Variants in TRIM33 observed in about 807,000 individuals in gnomAD.
TRIM33 encodes the protein E3 ubiquitin-protein ligase TRIM33.
A neutral mutation model predicts 125.4 loss-of-function variants in TRIM33; 20 were observed. The ratio of observed to expected loss-of-function variants is 0.16; its 90% CI spans 0.11 to 0.23. The LOEUF (loss-of-function observed/expected upper bound fraction) is 0.23, where lower values mean the gene tolerates loss of function less well. Among genes scored for constraint, TRIM33 ranks in the 10% least tolerant of loss-of-function variants. TRIM33 has a pLI of 1.00. For synonymous variants in TRIM33, 564 were observed against 513.9 expected (o/e 1.10, Z -1.32); for missense variants, 920 against 1,411.4 (o/e 0.65, Z 5.58).
chr1:114,401,284 A>G (rs375084736), intron 17 of TRIM33, 105 bp downstream of exon 17: 3 of 722,818 alleles, frequency 4.2e-6, no homozygotes, highest in African/African-American at 3.7e-5. Context: ...TCGGCCTCCC[A>G]AAGTGCTGGG....
At chr1:114,501,773 A>G (rs979896763) in intron 1 of TRIM33, among the ~76,000 whole-genome samples, 3 of 151,682 alleles carry the variant, frequency 2.0e-5, no homozygotes, top group African/African-American at 4.8e-5. Flanking sequence ...TCTAAAGAAA[A>G]ACATAAAACA....
intron 6 of TRIM33, among the ~76,000 whole-genome samples, chr1:114,430,051 G>C (rs1393231501): frequency 6.6e-6 from 1 of 151,684 alleles, no homozygotes; most frequent in Non-Finnish European, 1.5e-5. Flanking sequence ...ATTTCAAAAA[G>C]AGCAGCATTT....
rs755280201 is a variant in TRIM33, at chr1:114,397,822, T to C, written c.3210A>G (p.Ala1070=). The C allele has an allele frequency of 6.8e-6, 11 of 1,613,796 alleles. No homozygotes were observed. The highest frequency in any genetic ancestry group is 6.7e-5 in the East Asian group (3 of 44,852). The stretch of plus-strand genomic sequence containing the variant: ...CTGTGAGTTTATCTTCAAAGTACAA[T>C]GCAACTGCTTTCCCTGCCTGAGCTA... ...SEVAQAGKAV[A]LYFEDKLTEI... The change falls in exon 20 of 20, where the codon GCA becomes GCG. Residue 1070 remains alanine, a synonymous_variant. Transcript: ENST00000358465.
chr1:114,416,896 C>CT (rs1224734462), intron 11 of TRIM33, among the ~76,000 whole-genome samples: 4 of 152,138 alleles, frequency 2.6e-5, no homozygotes, highest in Non-Finnish European at 5.9e-5. Flanking sequence ...AACAGCAATG[C>CT]AACAACAGCC....
In TRIM33 at chr1:114,401,477, G is replaced by A. The variant is rs1241495947; in HGVS notation, c.2893-14C>T. 3 of 1,603,108 alleles carry A rather than the reference G, an allele frequency of 1.9e-6. No homozygotes were observed. Among genetic ancestry groups the A allele is most frequent in the African/African-American group, 2.7e-5 (2 of 74,374 alleles). Reference sequence around the variant, plus strand: ...ACGTTCACATTTCTGGCCCAAACAAGGAAAGGAAAGCACATGAAATATTTT... The same window carrying A: ...ACGTTCACATTTCTGGCCCAAACAAAGAAAGGAAAGCACATGAAATATTTT... On this transcript the variant is annotated splice_polypyrimidine_tract_variant and intron_variant, in intron 16 of 19. Transcript: ENST00000358465.
intron 8 of TRIM33, 124 bp downstream of exon 8, chr1:114,427,053 T>C: frequency 3.8e-6 from 2 of 520,472 alleles, no homozygotes; most frequent in South Asian, 6.7e-5. Flanking sequence ...TAACAACATA[T>C]TTTTACATAA....
chr1:114,414,987 C>CTTTTTTTTTTTTT (rs1232374980), intron 11 of TRIM33, among the ~76,000 whole-genome samples: 1 of 108,208 alleles, frequency 9.2e-6, no homozygotes, highest in Non-Finnish European at 1.9e-5. Flanking sequence ...GAGGTAGATT[C>CTTTTTTTTTTTTT]TATTTTTTTT....
chr1:114,465,763 C>T lies in TRIM33; in HGVS notation c.527-1375G>A, dbSNP rs550380094. 5.7e-4 allele frequency among the ~76,000 whole-genome samples: 86 copies of T among 151,978 alleles called. 1 individual carries two copies. The highest frequency in any genetic ancestry group is 2.0e-3 in the African/African-American group (81 of 41,466). ...TGGTATAAAAATAAATAAAAAGAGC[C>T]GGGCGCGGTGGCTCACGCCTGTAAT... On this transcript the variant is annotated intron_variant, in intron 1 of 19. Transcript: ENST00000358465.
At chr1:114,441,333 A>T (rs1289186264) in intron 4 of TRIM33, among the ~76,000 whole-genome samples, 10 of 152,238 alleles carry the variant, frequency 6.6e-5, no homozygotes. Flanking sequence ...TATTTATATG[A>T]ACTAAATTTG....
chr1:114,447,165 A>C (rs1649030433), intron 4 of TRIM33, among the ~76,000 whole-genome samples: 1 of 152,222 alleles, frequency 6.6e-6, no homozygotes, highest in South Asian at 2.1e-4. Context: ...AGTTGTATTA[A>C]GAATAAATGG....
chr1:114,466,613 A>G (rs1250233591), intron 1 of TRIM33, among the ~76,000 whole-genome samples: 1 of 152,194 alleles, frequency 6.6e-6, no homozygotes, highest in East Asian at 1.9e-4. Context: ...CTGATCTCCA[A>G]AACTTAGACA....
chr1:114,479,325 C>T (rs1166399468), intron 1 of TRIM33, among the ~76,000 whole-genome samples: 1 of 152,088 alleles, frequency 6.6e-6, no homozygotes, highest in Non-Finnish European at 1.5e-5. Flanking sequence ...GAGAGAACCA[C>T]AAACAAAATA....
chr1:114,425,412 A>G (rs765836357), intron 9 of TRIM33, 37 bp downstream of exon 9: 25 of 1,603,278 alleles, frequency 1.6e-5, no homozygotes, highest in South Asian at 1.5e-4. Context: ...TGAGGGCTTC[A>G]TAATTTCTAT....
At chr1:114,510,191 G>A (rs566567396) in intron 1 of TRIM33, among the ~76,000 whole-genome samples, 2 of 152,078 alleles carry the variant, frequency 1.3e-5, no homozygotes, top group South Asian at 4.2e-4. Context: ...CGCTGGCCCG[G>A]GCCCTTTCAG....
Position 114,445,391 on chromosome 1 carries a change from C to T in TRIM33, c.924-11658G>A, listed in dbSNP as rs367594496. 1.1e-4 allele frequency among the ~76,000 whole-genome samples: 17 copies of T among 152,248 alleles called. No homozygotes were observed. In the East Asian group the frequency reaches 3.1e-3, roughly 28 times the overall value. On this transcript the variant is annotated intron_variant, in intron 4 of 19. Transcript: ENST00000358465. ...TAGCTGGGACTACAAGCAAGCACTG[C>T]CATGCCTGGCTAATTTTAAAAAATT...
chr1:114,406,341 A>T (rs1271454509), intron 14 of TRIM33, among the ~76,000 whole-genome samples: 3 of 152,196 alleles, frequency 2.0e-5, no homozygotes, highest in Non-Finnish European at 4.4e-5. Context: ...CTTGAGATGA[A>T]TTCCCATGTG....
At chr1:114,444,258 A>G (rs1041840878) in intron 4 of TRIM33, among the ~76,000 whole-genome samples, 4 of 152,190 alleles carry the variant, frequency 2.6e-5, no homozygotes, top group African/African-American at 9.7e-5. Context: ...AAGATATTGA[A>G]TATGTGTGAA....
chr1:114,496,718 T>G (rs560755685), intron 1 of TRIM33, among the ~76,000 whole-genome samples: 2 of 152,322 alleles, frequency 1.3e-5, no homozygotes, highest in East Asian at 3.9e-4. Context: ...TTTAATTAAC[T>G]CACCACAGGT....
At chr1:114,414,027 G>GCACGCACA (rs1553207070) in intron 11 of TRIM33, among the ~76,000 whole-genome samples, 2 of 130,588 alleles carry the variant, frequency 1.5e-5, no homozygotes, top group Non-Finnish European at 3.2e-5. Context: ...TAAATCACAG[G>GCACGCACA]CACACACACA....
Sources: allele counts gnomAD v4.1 joint callset (sites outside exome capture counted in the v4.1 genomes callset), GRCh38; gene constraint gnomAD v4.1.1; transcripts MANE v1.5; gene names NCBI Gene and HGNC (gene_info 2026-07-23, HGNC 2026-07-21).